Variants in PEX14 observed in about 807,000 individuals in gnomAD.
PEX14 encodes peroxisomal biogenesis factor 14, also known as peroxisomal membrane protein PEX14.
A neutral mutation model predicts 49.5 loss-of-function variants in PEX14; 15 were observed. That is an observed-to-expected ratio of 0.30 (90% CI 0.20 to 0.47). The LOEUF (loss-of-function observed/expected upper bound fraction) is 0.47, where lower values mean the gene tolerates loss of function less well. Ranked by LOEUF, PEX14 falls within the 20% of genes least tolerant of loss-of-function variation. The pLI is 1.00. For synonymous variants in PEX14, 210 were observed against 212.7 expected (o/e 0.99, Z 0.11); for missense variants, 398 against 494.8 (o/e 0.80, Z 1.86).
intron 4 of PEX14, among the ~76,000 whole-genome samples, chr1:10,605,688 G>A (rs1179059812): frequency 6.6e-6 from 1 of 152,148 alleles, no homozygotes; most frequent in Non-Finnish European, 1.5e-5. Flanking sequence ...AGCAAATGTC[G>A]CCTCCACCTC....
At position 10,623,414 on chromosome 1, in the gene PEX14, TTA is replaced by T. The variant is rs1641651831; in HGVS notation, c.487+294_487+295del. 2.6e-6 allele frequency: 1 copy of T among 384,268 alleles called. No homozygotes were observed. Among genetic ancestry groups the T allele is most frequent in the South Asian group, 2.2e-5 (1 of 46,270 alleles). The allele number at this position is 384,268 out of a possible 1,614,324, so 23.8% of individuals were successfully genotyped here. On this transcript the variant is annotated intron_variant, in intron 6 of 8. Transcript: ENST00000356607. The surrounding 1 kb of genome is among the most constrained non-coding windows in gnomAD (Gnocchi z 4.4). ...TTTCTAAGGGCTGTAAAGTTCATTT[TTA>T]ATTTCTGCTTCTATGAGGTTTTCAG... is the stretch of plus-strand genomic sequence containing the variant.
At chr1:10,526,438 C>G (rs1638486174) in intron 2 of PEX14, among the ~76,000 whole-genome samples, 1 of 152,100 alleles carries the variant, frequency 6.6e-6, no homozygotes, top group African/African-American at 2.4e-5. Flanking sequence ...AGGCTGGTCT[C>G]AAACTCCTGA....
intron 2 of PEX14, among the ~76,000 whole-genome samples, chr1:10,524,172 A>G (rs1638391641): frequency 6.6e-6 from 1 of 152,104 alleles, no homozygotes; most frequent in African/African-American, 2.4e-5. Context: ...AAAGTTAATA[A>G]CTCCATGTCC....
intron 1 of PEX14, among the ~76,000 whole-genome samples, chr1:10,482,828 A>G (rs1264751983): frequency 6.6e-6 from 1 of 152,152 alleles, no homozygotes; most frequent in Admixed American, 6.6e-5. Context: ...TCTTTTTGTG[A>G]ACATAATATG....
In PEX14 at chr1:10,529,877, G is replaced by A. The variant is rs1004304088; in HGVS notation, c.85-6336G>A. Among the ~76,000 whole-genome samples the A allele has an allele frequency of 6.6e-6, 1 of 152,198 alleles. No individual in the cohort carries two copies. The highest frequency in any genetic ancestry group is 1.5e-5 in the Non-Finnish European group (1 of 68,034). On this transcript the variant is annotated intron_variant, in intron 2 of 8. Transcript: ENST00000356607. This position sits in a 1 kb window ranked among gnomAD's most constrained non-coding sequence, Gnocchi z 4.2. ...AAATTAGGGCCCACAAGCTTAATTAGTATAGTGTTGTAACCCAAATCAACA... is the reference window on the plus strand; with the variant it reads ...AAATTAGGGCCCACAAGCTTAATTAATATAGTGTTGTAACCCAAATCAACA...
chr1:10,588,121 T>C (rs1469677803), intron 3 of PEX14, among the ~76,000 whole-genome samples: 1 of 151,724 alleles, frequency 6.6e-6, no homozygotes, highest in Non-Finnish European at 1.5e-5. Context: ...CTCGGGAGGC[T>C]GAGGTAGAGA....
intron 3 of PEX14, among the ~76,000 whole-genome samples, chr1:10,588,528 C>G (rs1640567980): frequency 6.6e-6 from 1 of 152,152 alleles, no homozygotes; most frequent in Non-Finnish European, 1.5e-5. Flanking sequence ...ATGGAAAATT[C>G]CAGAAATAAA....
In PEX14 at chr1:10,587,895, C is replaced by CTTT. The variant is rs762006360; in HGVS notation, c.170-11320_170-11318dup. ...ACACACATATGTATACACACATGTG[C>CTTT]TTTTTTTTTTTTTTTTTTTTTTTTT... On this transcript the variant is annotated intron_variant, in intron 3 of 8. Coordinates refer to ENST00000356607, the MANE Select transcript of PEX14 (RefSeq NM_004565.3). Among the ~76,000 whole-genome samples the CTTT allele has an allele frequency of 1.8e-3, 99 of 54,366 alleles. 2 individuals carry two copies. The highest frequency in any genetic ancestry group is 5.3e-3 in the African/African-American group (77 of 14,464). 35.7% of individuals were successfully genotyped at this position (54,366 alleles called of 152,430 possible).
chr1:10,556,438 GGTCTCT>G (rs1472243533), intron 3 of PEX14, among the ~76,000 whole-genome samples: 1 of 152,060 alleles, frequency 6.6e-6, no homozygotes, highest in Non-Finnish European at 1.5e-5. Context: ...GCACTTTGTC[GGTCTCT>G]GTGCAGGGTT....
At chr1:10,503,088 A>C (rs1380552281) in intron 2 of PEX14, among the ~76,000 whole-genome samples, 1 of 151,866 alleles carries the variant, frequency 6.6e-6, no homozygotes, top group Non-Finnish European at 1.5e-5. Flanking sequence ...GGTGTGAGCC[A>C]CCACGCCCTG....
At chr1:10,612,982 C>T (rs1165821889) in intron 4 of PEX14, among the ~76,000 whole-genome samples, 4 of 152,226 alleles carry the variant, frequency 2.6e-5, no homozygotes, top group East Asian at 1.9e-4. Flanking sequence ...TCCCCAAGGA[C>T]GTGAGAGTTC....
chr1:10,475,845 A>T (rs1283380831), intron 1 of PEX14, among the ~76,000 whole-genome samples: 2 of 152,214 alleles, frequency 1.3e-5, no homozygotes, highest in Admixed American at 1.3e-4. Flanking sequence ...CATGTTGAGC[A>T]CAAATTACAT....
chr1:10,475,041 C>T (rs1188249653), intron 1 of PEX14, 39 bp downstream of exon 1: 2 of 1,588,116 alleles, frequency 1.3e-6, no homozygotes, highest in East Asian at 2.3e-5. Context: ...CGGCGGAGAC[C>T]CCGGCTGGAG....
At chr1:10,595,141 G>A (rs1640800758) in intron 3 of PEX14, among the ~76,000 whole-genome samples, 1 of 152,132 alleles carries the variant, frequency 6.6e-6, no homozygotes, top group African/African-American at 2.4e-5. Context: ...TTTGCAAGTA[G>A]ATTCTAGAGA....
intron 2 of PEX14, among the ~76,000 whole-genome samples, chr1:10,520,148 C>T (rs5772420): frequency 0.019 from 1,320 of 69,188 alleles, 52 homozygotes; most frequent in African/African-American, 0.053. Flanking sequence ...CCTTCTTCTT[C>T]TTTTTTTTTT....
chr1:10,525,349 T>C (rs1638441683), intron 2 of PEX14, among the ~76,000 whole-genome samples: 1 of 152,232 alleles, frequency 6.6e-6, no homozygotes, highest in Admixed American at 6.5e-5. Flanking sequence ...TTTCCTCATC[T>C]GCGTCAGCGG....
chr1:10,618,826 C>T (rs913396426), intron 5 of PEX14, among the ~76,000 whole-genome samples: 1 of 152,242 alleles, frequency 6.6e-6, no homozygotes, highest in Admixed American at 6.5e-5. Context: ...CTCTGCCCCT[C>T]AGGAGCTTGG....
intron 4 of PEX14, among the ~76,000 whole-genome samples, chr1:10,618,104 C>T (rs956158738): frequency 3.3e-4 from 51 of 152,350 alleles, no homozygotes; most frequent in African/African-American, 1.2e-3. Context: ...AGCCTGCAGT[C>T]AGGGTTGGGT....
chr1:10,508,418 AG>A (rs1427767266), intron 2 of PEX14, among the ~76,000 whole-genome samples: 1 of 152,154 alleles, frequency 6.6e-6, no homozygotes, highest in African/African-American at 2.4e-5. Flanking sequence ...TGTGTTAGCC[AG>A]GATGGTCTCG....
Sources: gnomAD v4.1 joint callset for allele counts (sites outside exome capture counted in the v4.1 genomes callset) on GRCh38, gnomAD v4.1.1 for gene constraint, Gnocchi (gnomAD v3.1) non-coding constraint, MANE v1.5 for transcripts, NCBI Gene and HGNC (gene_info 2026-07-23, HGNC 2026-07-21) for gene names.